CASQ2: variants seen among roughly 807,000 people sequenced by gnomAD.
The protein encoded by CASQ2 is calsequestrin-2.
Under a neutral mutation model 46.5 loss-of-function variants are expected in CASQ2, and 49 were observed. That is an observed-to-expected ratio of 1.05 (90% CI 0.84 to 1.34). CASQ2 has a LOEUF of 1.34. Among genes scored for constraint, CASQ2 ranks in the 40% most tolerant of loss-of-function variants. CASQ2 has a pLI of 0.00. For synonymous variants in CASQ2, 174 were observed against 168.5 expected, an observed-to-expected ratio of 1.03 and a Z score of -0.25; for missense variants, 486 against 481.3, an observed-to-expected ratio of 1.01 and a Z score of -0.09.
At chr1:115,759,115 T>C (rs1209085399) in intron 1 of CASQ2, among the ~76,000 whole-genome samples, 1 of 152,186 alleles carries the variant, frequency 6.6e-6, no homozygotes, top group African/African-American at 2.4e-5. Flanking sequence ...TGAGTTCTTA[T>C]CATCAATAAA....
At chr1:115,753,949 G>A (rs1193591534) in intron 1 of CASQ2, among the ~76,000 whole-genome samples, 2 of 151,958 alleles carry the variant, frequency 1.3e-5, no homozygotes, top group Non-Finnish European at 2.9e-5. Context: ...CCAAGTGAAT[G>A]TCCCTCAGGC....
intron 1 of CASQ2, among the ~76,000 whole-genome samples, chr1:115,764,086 G>GA (rs546204614): frequency 5.7e-4 from 87 of 151,958 alleles, no homozygotes; most frequent in African/African-American, 2.1e-3. Flanking sequence ...AAAAGGCATA[G>GA]AAAAATAATT....
At chr1:115,758,832 A>G (rs991099585) in intron 1 of CASQ2, among the ~76,000 whole-genome samples, 1 of 152,132 alleles carries the variant, frequency 6.6e-6, no homozygotes, top group Non-Finnish European at 1.5e-5. Context: ...CAGATACCCA[A>G]TCTTCAACTT....
rs1647967473 is a variant in CASQ2 at position 115,736,505 on chromosome 1, C to T, written c.532+1719G>A. 4.0e-5 allele frequency among the ~76,000 whole-genome samples: 6 copies of T among 151,696 alleles called. No individual in the cohort carries two copies. In the South Asian group the frequency reaches 8.3e-4, roughly 21 times the overall value. On this transcript the variant is annotated intron_variant, in intron 4 of 10. Transcript: ENST00000261448. ...CACTAAAATTAGCCAGGCGTGGTGG[C>T]GGGCACCTGTAATCCCAGCTACTCA...
In CASQ2 at chr1:115,713,241, A is replaced by G. The variant is rs545912373; in HGVS notation, c.838+4599T>C. Among the ~76,000 whole-genome samples the G allele has an allele frequency of 2.6e-5, 4 of 152,330 alleles. No homozygotes were observed. In the East Asian group the frequency reaches 7.7e-4, roughly 29 times the overall value. ...GACACATCTAGGGGTGGTGAGGAAG[A>G]CAGTCATTCATTTTCAAACCTGTCA... On this transcript the variant is annotated intron_variant, in intron 8 of 10. Transcript: ENST00000261448.
In CASQ2 at chr1:115,738,613, G is replaced by A. The variant is rs369078858; in HGVS notation, c.421-278C>T. On this transcript the variant is annotated intron_variant, in intron 3 of 10. Transcript: ENST00000261448. ...AATTGTAGATTGACAAATTATAGTTGTATGTATTTATTGGATGTAAAGTGT... is the reference window on the plus strand; with the variant it reads ...AATTGTAGATTGACAAATTATAGTTATATGTATTTATTGGATGTAAAGTGT... Among the ~76,000 whole-genome samples, 527 of 152,264 alleles carry A rather than the reference G, an allele frequency of 3.5e-3. 3 individuals carry two copies. The highest frequency in any genetic ancestry group is 5.6e-3 in the Admixed American group (86 of 15,284).
At chr1:115,745,868 G>A (rs773528236) in intron 1 of CASQ2, among the ~76,000 whole-genome samples, 7 of 152,086 alleles carry the variant, frequency 4.6e-5, no homozygotes, top group African/African-American at 1.4e-4. Flanking sequence ...CTTGCAAAAC[G>A]GAGGTACAAT....
chr1:115,747,949 TTACTGCACTGGTG>T (rs1648444661), intron 1 of CASQ2, among the ~76,000 whole-genome samples: 1 of 152,190 alleles, frequency 6.6e-6, no homozygotes, highest in Non-Finnish European at 1.5e-5. Context: ...TTATCTTTAC[TTACTGCACTGGTG>T]AGAACTTCTA....
chr1:115,706,455 C>G (rs879208946), intron 8 of CASQ2, among the ~76,000 whole-genome samples: 1 of 152,106 alleles, frequency 6.6e-6, no homozygotes, highest in African/African-American at 2.4e-5. Flanking sequence ...GTAACGATGA[C>G]CCATACCAGA....
intron 6 of CASQ2, 42 bp downstream of exon 6, chr1:115,726,950 C>T: frequency 2.4e-6 from 3 of 1,229,488 alleles, no homozygotes; most frequent in Non-Finnish European, 2.3e-6. Flanking sequence ...TCTCCATTCC[C>T]CAGACCCCAG....
chr1:115,721,413 G>A (rs1214477233), intron 7 of CASQ2, among the ~76,000 whole-genome samples: 1 of 152,132 alleles, frequency 6.6e-6, no homozygotes, highest in Non-Finnish European at 1.5e-5. Flanking sequence ...GTAATCATAT[G>A]TGATGTGTTT....
At position 115,768,307 on chromosome 1, in the gene CASQ2, C is replaced by T; in HGVS notation, c.234+1G>A. ...AGACAGCATGCCCTTTGGTTACTTA[C>T]CTCAAGCACGATTTCTTTCAGTTGG... On this transcript the variant is annotated splice_donor_variant, in intron 1 of 10. Coordinates refer to ENST00000261448, the MANE Select transcript of CASQ2 (RefSeq NM_001232.4). LOFTEE classifies it high-confidence loss of function. 1 of 1,606,136 alleles carries T rather than the reference C, an allele frequency of 6.2e-7. No homozygotes were observed. The highest frequency in any genetic ancestry group is 8.5e-7 in the Non-Finnish European group (1 of 1,172,822).
intron 5 of CASQ2, 130 bp from the exon 6 acceptor site, chr1:115,727,252 A>G (rs1015449003): frequency 2.8e-6 from 2 of 718,754 alleles, no homozygotes; most frequent in East Asian, 2.8e-5. Context: ...TTTAACTTCA[A>G]TGTTGAAGTG....
chr1:115,705,060 C>T (rs115673492), intron 9 of CASQ2, 132 bp downstream of exon 9: 1 of 741,332 alleles, frequency 1.3e-6, no homozygotes, highest in South Asian at 1.5e-5. Context: ...AGGGCCAAGA[C>T]CTCCCACACT....
At chr1:115,729,145 G>T (rs910502053) in intron 5 of CASQ2, among the ~76,000 whole-genome samples, 1 of 147,438 alleles carries the variant, frequency 6.8e-6, no homozygotes, top group Non-Finnish European at 1.5e-5. Flanking sequence ...CGCTTCCCAG[G>T]TTCGAGCGAT....
At chr1:115,707,014 A>T (rs912338403) in intron 8 of CASQ2, among the ~76,000 whole-genome samples, 6 of 148,616 alleles carry the variant, frequency 4.0e-5, no homozygotes, top group Admixed American at 3.4e-4. Flanking sequence ...AAGCACAGCG[A>T]CCTCTAGTGG....
chr1:115,717,902 A>G lies in CASQ2; in HGVS notation c.784-8T>C. ...CCCATTCAAATCATCTTCCTGTATGAGAAAAGTAACAAAAGTTACACTTCC... is the reference window on the plus strand; with the variant it reads ...CCCATTCAAATCATCTTCCTGTATGGGAAAAGTAACAAAAGTTACACTTCC... On this transcript the variant is annotated splice_polypyrimidine_tract_variant and splice_region_variant and intron_variant, in intron 7 of 10. Transcript: ENST00000261448. 6.2e-7 allele frequency: 1 copy of G among 1,601,138 alleles called. No individual in the cohort carries two copies. Among genetic ancestry groups the G allele is most frequent in the Non-Finnish European group, 8.6e-7 (1 of 1,168,152 alleles).
intron 8 of CASQ2, among the ~76,000 whole-genome samples, chr1:115,709,734 T>G (rs1439528746): frequency 6.6e-6 from 1 of 152,222 alleles, no homozygotes; most frequent in Non-Finnish European, 1.5e-5. Flanking sequence ...GACTACAGAG[T>G]TGATCATTCT....
chr1:115,702,741 C>G (rs10923210), intron 10 of CASQ2, among the ~76,000 whole-genome samples, 180 bp downstream of exon 10: 1 of 152,224 alleles, frequency 6.6e-6, no homozygotes, highest in South Asian at 2.1e-4. Context: ...GCCATGGAAC[C>G]ACAGATTGGG....
Sources: allele counts gnomAD v4.1 joint callset (sites outside exome capture counted in the v4.1 genomes callset), GRCh38; gene constraint gnomAD v4.1.1; transcripts MANE v1.5; gene names NCBI Gene and HGNC (gene_info 2026-07-23, HGNC 2026-07-21).